The following TAF4 variants were observed in gnomAD, a reference collection of about 807,000 sequenced individuals.
TAF4 encodes the protein transcription initiation factor TFIID subunit 4.
TAF4 carries 9 observed loss-of-function variants against 90.3 expected under a neutral mutation model. The observed-to-expected ratio is 0.10, with a 90% CI of 0.06 to 0.17. TAF4 has a LOEUF of 0.17. Ranked by LOEUF, TAF4 falls within the 10% of genes least tolerant of loss-of-function variation. TAF4 has a pLI of 1.00. For synonymous variants in TAF4, 818 were observed against 638.9 expected (o/e 1.28, Z -4.23); for missense variants, 1,351 against 1,370.7 (o/e 0.99, Z 0.23).
At chr20:61,977,221 A>C (rs1223519681) in intron 14 of TAF4, among the ~76,000 whole-genome samples, 5 of 134,502 alleles carry the variant, frequency 3.7e-5, no homozygotes, top group Non-Finnish European at 4.8e-5. Flanking sequence ...CACACACACA[A>C]CACCGCCCAG....
intron 1 of TAF4, among the ~76,000 whole-genome samples, chr20:62,051,243 G>A (rs6061987): frequency 0.55 from 83,392 of 151,772 alleles, 23,322 homozygotes; most frequent in Middle Eastern, 0.68. Context: ...GCCCCGGCCT[G>A]CGCCCCAGCC....
rs943313518 is a variant in TAF4, at chr20:62,025,485, G to T, written c.1361-10778C>A. Among the ~76,000 whole-genome samples the T allele has an allele frequency of 2.0e-5, 3 of 152,136 alleles. No homozygotes were observed. In the South Asian group the frequency reaches 6.2e-4, roughly 32 times the overall value. On this transcript the variant is annotated intron_variant, in intron 1 of 14. Transcript: ENST00000252996. ...CCTCATTTCCAACTGTAATCCCCAC[G>T]TGTGGAGGGAGGGAAGTGACTGGAT...
rs1370876699 is a variant in TAF4, at chr20:61,975,006, G to C, written c.*1162C>G. 1 of 152,374 alleles carries C rather than the reference G, an allele frequency of 6.6e-6. No individual in the cohort carries two copies. Among genetic ancestry groups the C allele is most frequent in the African/African-American group, 2.4e-5 (1 of 41,424 alleles). 9.4% of individuals were successfully genotyped at this position (152,374 alleles called of 1,614,324 possible). A position where few individuals can be genotyped will look rare whatever the true frequency, so the allele number is the denominator to read the frequency against. ...TTCTCAGGTGTTGATAAAAAATACT[G>C]ATCAGCGTTCAGTTCACACGCGCTC... On this transcript the variant is annotated 3_prime_UTR_variant, in exon 15 of 15. Coordinates refer to ENST00000252996, the MANE Select transcript of TAF4 (RefSeq NM_003185.4).
intron 14 of TAF4, among the ~76,000 whole-genome samples, chr20:61,987,882 G>C (rs1304315420): frequency 6.6e-6 from 1 of 152,200 alleles, no homozygotes; most frequent in African/African-American, 2.4e-5. Flanking sequence ...CTGGAATAGT[G>C]CTCAGTGCTG....
chr20:62,000,290 C>A (rs944896262), intron 10 of TAF4, 36 bp from the exon 11 acceptor site: 4 of 1,605,430 alleles, frequency 2.5e-6, no homozygotes, highest in East Asian at 4.5e-5. Flanking sequence ...ATTTTAAAAT[C>A]ATTAAGCACA....
At chr20:62,039,092 C>CT (rs145094250) in intron 1 of TAF4, among the ~76,000 whole-genome samples, 2,251 of 152,136 alleles carry the variant, frequency 0.015, 57 homozygotes, top group African/African-American at 0.051. Flanking sequence ...TATCAAGAGG[C>CT]TTTTTTTGTA....
At chr20:62,009,219 G>A (rs776046728) in intron 4 of TAF4, 45 bp from the exon 5 acceptor site, 44 of 1,563,690 alleles carry the variant, frequency 2.8e-5, no homozygotes, top group Non-Finnish European at 3.6e-5. Flanking sequence ...TTAAAAGGCA[G>A]ATTTTTGTCA....
At chr20:62,030,201 G>T (rs902048693) in intron 1 of TAF4, among the ~76,000 whole-genome samples, 2 of 152,216 alleles carry the variant, frequency 1.3e-5, no homozygotes, top group Non-Finnish European at 2.9e-5. Flanking sequence ...AGGCAGGGAC[G>T]CCAACGAGCC....
chr20:62,015,006 C>T (rs1052238243), intron 1 of TAF4, among the ~76,000 whole-genome samples: 2 of 152,218 alleles, frequency 1.3e-5, no homozygotes, highest in African/African-American at 2.4e-5. Context: ...ACCACGTGCC[C>T]CCATGCCCCC....
intron 11 of TAF4, 47 bp from the exon 12 acceptor site, chr20:61,999,155 G>C (rs2055682150): frequency 6.2e-7 from 1 of 1,604,690 alleles, no homozygotes; most frequent in Admixed American, 1.7e-5. Context: ...TGAGAGCCCA[G>C]CAAGCAAAGG....
At chr20:61,994,991 G>C (rs1457853349) in intron 14 of TAF4, among the ~76,000 whole-genome samples, 1 of 152,206 alleles carries the variant, frequency 6.6e-6, no homozygotes, top group Non-Finnish European at 1.5e-5. Flanking sequence ...TTTGCAACTT[G>C]AGTCCCACTA....
At chr20:62,014,035 T>TGG (rs1473376138) in intron 2 of TAF4, among the ~76,000 whole-genome samples, 6 of 138,964 alleles carry the variant, frequency 4.3e-5, no homozygotes, top group East Asian at 2.4e-4. Context: ...TGTGTGTGTG[T>TGG]GTGTGTGTGT....
intron 1 of TAF4, among the ~76,000 whole-genome samples, chr20:62,053,097 A>G (rs1405856495): frequency 1.3e-5 from 2 of 152,144 alleles, no homozygotes; most frequent in Non-Finnish European, 2.9e-5. Context: ...AGGAGATGCC[A>G]TCCCCAAGCC....
chr20:62,026,560 G>A (rs182320884), intron 1 of TAF4, among the ~76,000 whole-genome samples: 2 of 152,328 alleles, frequency 1.3e-5, no homozygotes, highest in Admixed American at 1.3e-4. Context: ...TACCAGCTCT[G>A]TGGGAGCTGG....
chr20:62,007,003 T>G (rs1303943171), intron 6 of TAF4: 1 of 434,104 alleles, frequency 2.3e-6, no homozygotes, highest in Non-Finnish European at 3.8e-6. Flanking sequence ...AAGAGACATA[T>G]TTTTAAAAAA....
At chr20:61,995,159 G>A (rs117293459) in intron 14 of TAF4, among the ~76,000 whole-genome samples, 161 of 152,312 alleles carry the variant, frequency 1.1e-3, no homozygotes, top group Non-Finnish European at 2.0e-3. Context: ...CTCTTGGCAG[G>A]TAAGCATGAG....
chr20:62,023,367 G>C (rs1299876483), intron 1 of TAF4, among the ~76,000 whole-genome samples: 2 of 152,164 alleles, frequency 1.3e-5, no homozygotes, highest in Non-Finnish European at 2.9e-5. Flanking sequence ...AGAGGCGAAG[G>C]TTGCAGTGAG....
At chr20:62,012,755 C>T (rs1015166237) in intron 3 of TAF4, 60 bp downstream of exon 3, 55 of 1,529,128 alleles carry the variant, frequency 3.6e-5, no homozygotes, top group Non-Finnish European at 4.5e-5. Context: ...ATCTCTGCAT[C>T]AAAGAAATCA....
Position 62,065,213 on chromosome 20 carries a change from C to A in TAF4, c.598G>T (p.Gly200Trp). The change falls in exon 1 of 15, where the codon GGG becomes TGG. Residue 200 changes from glycine (G) to tryptophan (W), a missense_variant. Physicochemically the swap from Gly to Trp is radical, Grantham distance 184 (BLOSUM62 -2). Around this residue, in one of 9 missense-constraint regions of TAF4, gnomAD observed 782 missense variants for 536.6 expected, o/e 1.46. Coordinates refer to ENST00000252996, the MANE Select transcript of TAF4 (RefSeq NM_003185.4). ...AGPGAAQTLN[G>W]SAALLNSHHA... ...TGCGAGTTCAGCAGCGCGGCGCTCC[C>A]ATTCAAAGTTTGCGCGGCGCCGGGG... 2 of 1,165,122 alleles carry A rather than the reference C, an allele frequency of 1.7e-6. No homozygotes were observed. Among genetic ancestry groups the A allele is most frequent in the East Asian group, 9.6e-5 (1 of 10,392 alleles). 72.2% of individuals were successfully genotyped at this position (1,165,122 alleles called of 1,614,324 possible). A position where few individuals can be genotyped will look rare whatever the true frequency, so the allele number is the denominator to read the frequency against.
Sources: allele counts gnomAD v4.1 joint callset (sites outside exome capture counted in the v4.1 genomes callset), GRCh38; gene constraint gnomAD v4.1.1; regional missense constraint gnomAD v4.1.1; transcripts MANE v1.5; gene names NCBI Gene and HGNC (gene_info 2026-07-23, HGNC 2026-07-21).